Variants in TTC7A observed in about 807,000 individuals in gnomAD.
The protein encoded by TTC7A is tetratricopeptide repeat domain 7A, also known as tetratricopeptide repeat protein 7A.
Under a neutral mutation model 103.7 loss-of-function variants are expected in TTC7A, and 110 were observed. The observed-to-expected ratio is 1.06, with a 90% CI of 0.91 to 1.24. The LOEUF is 1.24. Ranked by LOEUF, TTC7A falls within the 50% of genes most tolerant of loss-of-function variation. The pLI is 0.00. For synonymous variants in TTC7A, 521 were observed against 467.9 expected, an observed-to-expected ratio of 1.11 and a Z score of -1.47; for missense variants, 1,340 against 1,116.3, an observed-to-expected ratio of 1.20 and a Z score of -2.86.
chr2:46,999,570 C>T, intron 8 of TTC7A: 1 of 985,408 alleles, frequency 1.0e-6, no homozygotes, highest in Non-Finnish European at 1.2e-6. Context: ...AAATGGACTC[C>T]CATCTACTGC....
intron 5 of TTC7A, among the ~76,000 whole-genome samples, chr2:46,987,436 C>T (rs1275226239): frequency 1.3e-5 from 2 of 152,200 alleles, no homozygotes; most frequent in East Asian, 1.9e-4. Context: ...TTGTCCCTGT[C>T]AGTGGCTCTA....
chr2:47,050,252 G>A (rs1316402062), intron 17 of TTC7A: 1 of 579,668 alleles, frequency 1.7e-6, no homozygotes, highest in East Asian at 2.9e-5. Context: ...AGTGGGCAGG[G>A]GAGGAACCCT....
At chr2:47,025,664 G>T (rs1349435687) in intron 14 of TTC7A, among the ~76,000 whole-genome samples, 1 of 152,152 alleles carries the variant, frequency 6.6e-6, no homozygotes, top group African/African-American at 2.4e-5. Context: ...AGGTTCTTCT[G>T]TCTCAACCAT....
At chr2:46,996,449 G>A (rs1020041979) in intron 8 of TTC7A, among the ~76,000 whole-genome samples, 1 of 152,260 alleles carries the variant, frequency 6.6e-6, no homozygotes, top group Admixed American at 6.5e-5. Context: ...TCCCTTGGAT[G>A]CCTGGGACCA....
chr2:46,993,655 T>A (rs971470865), intron 6 of TTC7A, 127 bp downstream of exon 6: 2 of 832,464 alleles, frequency 2.4e-6, no homozygotes, highest in Non-Finnish European at 4.0e-6. Context: ...GTGGCAGAGG[T>A]TGGTAATCAA....
intron 2 of TTC7A, among the ~76,000 whole-genome samples, chr2:46,925,094 T>C (rs901682482): frequency 1.3e-5 from 2 of 152,242 alleles, no homozygotes; most frequent in Non-Finnish European, 2.9e-5. Flanking sequence ...GATCTGTTTG[T>C]TGCACTGCAC....
intron 2 of TTC7A, among the ~76,000 whole-genome samples, chr2:46,919,401 C>T (rs182423733): frequency 3.3e-5 from 5 of 152,184 alleles, no homozygotes; most frequent in East Asian, 3.9e-4. Context: ...GGTGTGGTGA[C>T]GCATGCTTGT....
In TTC7A at chr2:47,073,983, G is replaced by GGTCAGGGTGGGGCAACAGTGGC; in HGVS notation, c.*61_*82dup. 1 of 1,422,984 alleles carries GGTCAGGGTGGGGCAACAGTGGC rather than the reference G, an allele frequency of 7.0e-7. No homozygotes were observed. The highest frequency in any genetic ancestry group is 1.2e-5 in the South Asian group (1 of 82,508). 88.1% of individuals were successfully genotyped at this position (1,422,984 alleles called of 1,614,324 possible). A position where few individuals can be genotyped will look rare whatever the true frequency, so the allele number is the denominator to read the frequency against. ...AGAGGGAGAGGCAGCAGGGAACGTG[G>GGTCAGGGTGGGGCAACAGTGGC]GTCAGGGTGGGGCAACAGTGGCATC... is the stretch of plus-strand genomic sequence containing the variant. On this transcript the variant is annotated 3_prime_UTR_variant, in exon 20 of 20. Transcript: ENST00000319190.
intron 2 of TTC7A, chr2:46,951,527 CCCTT>C (rs1453210181): frequency 4.4e-6 from 2 of 449,868 alleles, no homozygotes; most frequent in South Asian, 1.6e-5. Flanking sequence ...CTCCCTCCCT[CCCTT>C]CCTTCCTTGC....
intron 2 of TTC7A, among the ~76,000 whole-genome samples, chr2:46,921,583 T>C (rs1329294759): frequency 1.3e-5 from 2 of 152,216 alleles, no homozygotes; most frequent in African/African-American, 4.8e-5. Context: ...TTCATGCAAA[T>C]GATATGCTCA....
At chr2:47,041,083 C>T (rs967057797) in intron 15 of TTC7A, among the ~76,000 whole-genome samples, 2 of 152,196 alleles carry the variant, frequency 1.3e-5, no homozygotes, top group African/African-American at 4.8e-5. Flanking sequence ...GGAGGCCCTC[C>T]ACCCCCACCC....
chr2:47,047,369 A>G (rs1431118246), intron 16 of TTC7A: 4 of 1,438,816 alleles, frequency 2.8e-6, no homozygotes, highest in Admixed American at 4.0e-5. Flanking sequence ...CCTTGGGCAA[A>G]GTCAGCCCTC....
At chr2:47,054,560 C>T (rs1303088595) in intron 18 of TTC7A, among the ~76,000 whole-genome samples, 4 of 151,918 alleles carry the variant, frequency 2.6e-5, no homozygotes, top group Non-Finnish European at 4.4e-5. Flanking sequence ...AGGCCGGGTG[C>T]GGTGGCTCAT....
At chr2:47,068,949 C>T (rs1469897853) in intron 19 of TTC7A, among the ~76,000 whole-genome samples, 5 of 151,650 alleles carry the variant, frequency 3.3e-5, no homozygotes, top group Non-Finnish European at 7.4e-5. Context: ...TCCAGCAGCC[C>T]CCTCCCCAAA....
chr2:47,003,875 G>A (rs1409041841), intron 8 of TTC7A, among the ~76,000 whole-genome samples: 1 of 152,244 alleles, frequency 6.6e-6, no homozygotes, highest in Non-Finnish European at 1.5e-5. Flanking sequence ...GGAGCTGCTG[G>A]AGGTGGTGGA....
chr2:46,996,038 A>G lies in TTC7A; in HGVS notation c.1065+839A>G, dbSNP rs558282797. ...TGGGCAGGAAGATGAGGCAAACACA[A>G]GCACGTGGATGCACGCACACACTCG... is the stretch of plus-strand genomic sequence containing the variant. On this transcript the variant is annotated intron_variant, in intron 8 of 19. Coordinates refer to ENST00000319190, the MANE Select transcript of TTC7A (RefSeq NM_020458.4). Among the ~76,000 whole-genome samples the G allele has an allele frequency of 1.9e-4, 29 of 152,392 alleles. No individual in the cohort carries two copies. The South Asian group carries it at 5.0e-3, about 26-fold the overall frequency.
intron 15 of TTC7A, among the ~76,000 whole-genome samples, chr2:47,030,025 A>G (rs767930588): frequency 5.0e-5 from 6 of 119,716 alleles, no homozygotes; most frequent in Non-Finnish European, 1.0e-4. Context: ...CTGTCAGGGG[A>G]GTTAGGGGGA....
chr2:46,952,968 C>G (rs1671541367), intron 2 of TTC7A, among the ~76,000 whole-genome samples: 2 of 152,144 alleles, frequency 1.3e-5, no homozygotes, highest in Admixed American at 1.3e-4. Flanking sequence ...CCAGTATTGT[C>G]TCATTCTTTG....
intron 15 of TTC7A, among the ~76,000 whole-genome samples, chr2:47,043,230 T>G (rs1681955533): frequency 6.6e-6 from 1 of 152,088 alleles, no homozygotes; most frequent in African/African-American, 2.4e-5. Context: ...CTGATCCCTG[T>G]TGGAAGTGGG....
Sources: allele counts gnomAD v4.1 joint callset (sites outside exome capture counted in the v4.1 genomes callset), GRCh38; gene constraint gnomAD v4.1.1; transcripts MANE v1.5; gene names NCBI Gene and HGNC (gene_info 2026-07-23, HGNC 2026-07-21).